KCNMA1: variants seen among roughly 807,000 people sequenced by gnomAD.
KCNMA1 encodes the protein Calcium-activated potassium channel subunit alpha-1.
KCNMA1 carries 29 observed loss-of-function variants against 140.0 expected under a neutral mutation model. The ratio of observed to expected loss-of-function variants is 0.21; its 90% CI spans 0.15 to 0.28. The LOEUF is 0.28. KCNMA1 is among the 10% of genes least tolerant of loss of function. The pLI, the probability that KCNMA1 is intolerant of heterozygous loss-of-function variation, is 1.00. For synonymous variants in KCNMA1, 612 were observed against 611.9 expected, an observed-to-expected ratio of 1.00 and a Z score of 0.00; for missense variants, 880 against 1,602.2, an observed-to-expected ratio of 0.55 and a Z score of 7.70.
downstream of KCNMA1, chr10:76,874,572 T>A (rs1229890243): frequency 6.6e-6 from 1 of 152,242 alleles, no homozygotes; most frequent in Non-Finnish European, 1.5e-5. Context: ...TTGTGCTTTT[T>A]CTCCTTTCAA....
chr10:77,441,013 C>T (rs550306366), intron 1 of KCNMA1, among the ~76,000 whole-genome samples: 19 of 151,642 alleles, frequency 1.3e-4, no homozygotes, highest in Admixed American at 6.6e-4. Context: ...TCAGTAGAGA[C>T]GGGGTTTCAC....
At chr10:77,297,258 T>C (rs190333053) in intron 2 of KCNMA1, among the ~76,000 whole-genome samples, 2 of 152,300 alleles carry the variant, frequency 1.3e-5, no homozygotes, top group Admixed American at 6.5e-5. Flanking sequence ...AGCCTCACCA[T>C]ACCCAACATT....
At chr10:77,507,207 G>A (rs1158849765) in intron 1 of KCNMA1, among the ~76,000 whole-genome samples, 1 of 152,150 alleles carries the variant, frequency 6.6e-6, no homozygotes. Context: ...ACAGCTCTAT[G>A]GAACACCATG....
chr10:77,146,400 G>T (rs1319734046), intron 5 of KCNMA1, among the ~76,000 whole-genome samples: 1 of 152,076 alleles, frequency 6.6e-6, no homozygotes, highest in Admixed American at 6.6e-5. Flanking sequence ...ATGACTGCAT[G>T]TAAAAAATAA....
At chr10:76,928,281 A>ATG (rs1564964525) in intron 23 of KCNMA1, among the ~76,000 whole-genome samples, 1 of 105,182 alleles carries the variant, frequency 9.5e-6, no homozygotes, top group East Asian at 2.0e-4. Flanking sequence ...ACACACGAAC[A>ATG]CGCGCGCGCA....
chr10:77,627,595 G>A (rs967120893), intron 1 of KCNMA1, among the ~76,000 whole-genome samples: 4 of 152,186 alleles, frequency 2.6e-5, no homozygotes, highest in African/African-American at 9.7e-5. Flanking sequence ...CACAAGTTAA[G>A]GTTAAGGTCA....
At chr10:77,261,473 G>A (rs1303650706) in intron 2 of KCNMA1, among the ~76,000 whole-genome samples, 1 of 152,078 alleles carries the variant, frequency 6.6e-6, no homozygotes, top group Non-Finnish European at 1.5e-5. Context: ...CCCAAACATC[G>A]CAGGAGTGTT....
chr10:76,969,276 G>GGGAAGAAGGGAAGGAA (rs61694255), intron 20 of KCNMA1, among the ~76,000 whole-genome samples: 7,092 of 58,620 alleles, frequency 0.12, 308 homozygotes, highest in Admixed American at 0.23. Flanking sequence ...GGGAGGGAGG[G>GGGAAGAAGGGAAGGAA]GGAAGAAGGG....
chr10:77,636,261 G>T, intron 1 of KCNMA1: 1 of 1,443,176 alleles, frequency 6.9e-7, no homozygotes, highest in Non-Finnish European at 9.1e-7. Flanking sequence ...CCCCACTCCA[G>T]CCAGTGGCTG....
chr10:77,417,209 C>A (rs1376577025), intron 1 of KCNMA1, among the ~76,000 whole-genome samples: 1 of 152,258 alleles, frequency 6.6e-6, no homozygotes, highest in African/African-American at 2.4e-5. Context: ...CCAGGGCCCA[C>A]ATCTGCTCCC....
intron 5 of KCNMA1, among the ~76,000 whole-genome samples, chr10:77,126,915 C>T (rs1263166339): frequency 1.3e-5 from 2 of 152,072 alleles, no homozygotes; most frequent in Non-Finnish European, 2.9e-5. Context: ...GATCTGCATA[C>T]CAGAAGACCG....
chr10:77,600,754 C>T (rs1279150145), intron 1 of KCNMA1, among the ~76,000 whole-genome samples: 1 of 151,654 alleles, frequency 6.6e-6, no homozygotes, highest in Non-Finnish European at 1.5e-5. Flanking sequence ...CTCAAACACA[C>T]ACACACACAC....
chr10:77,266,578 A>C (rs942630137), intron 2 of KCNMA1, among the ~76,000 whole-genome samples: 1 of 152,208 alleles, frequency 6.6e-6, no homozygotes, highest in Non-Finnish European at 1.5e-5. Context: ...GAATAGGTTT[A>C]AGTCTTGTTG....
intron 23 of KCNMA1, among the ~76,000 whole-genome samples, chr10:76,940,344 A>G (rs10762739): frequency 0.71 from 107,963 of 152,142 alleles, 38,866 homozygotes; most frequent in East Asian, 0.82. Flanking sequence ...GAAGAGAAAA[A>G]AGAGGCTTTG....
chr10:77,210,459 T>C (rs1341769032), intron 3 of KCNMA1, among the ~76,000 whole-genome samples: 1 of 152,082 alleles, frequency 6.6e-6, no homozygotes, highest in Non-Finnish European at 1.5e-5. Flanking sequence ...ACCAACATTA[T>C]ACTGAATGGG....
chr10:77,081,982 G>A (rs1274998887), intron 12 of KCNMA1, among the ~76,000 whole-genome samples: 4 of 113,874 alleles, frequency 3.5e-5, no homozygotes, highest in Non-Finnish European at 5.3e-5. Context: ...TACTACCTTT[G>A]ACCAGTAATT....
At chr10:77,285,893 GTACT>G (rs2070652638) in intron 2 of KCNMA1, among the ~76,000 whole-genome samples, 1 of 152,170 alleles carries the variant, frequency 6.6e-6, no homozygotes, top group Admixed American at 6.5e-5. Context: ...TGTGTGAAAA[GTACT>G]TACTTAGCAC....
intron 3 of KCNMA1, among the ~76,000 whole-genome samples, chr10:77,240,997 T>G (rs1390382683): frequency 6.6e-6 from 1 of 152,222 alleles, no homozygotes; most frequent in African/African-American, 2.4e-5. Flanking sequence ...TGTCTTAAAA[T>G]TTTTGTTGTA....
chr10:77,119,753 G>A (rs977615062), intron 6 of KCNMA1, among the ~76,000 whole-genome samples: 1 of 152,180 alleles, frequency 6.6e-6, no homozygotes, highest in African/African-American at 2.4e-5. Context: ...ATAATGAACA[G>A]TAAAAGGCAG....
Sources: gnomAD v4.1 joint callset for allele counts (sites outside exome capture counted in the v4.1 genomes callset) on GRCh38, gnomAD v4.1.1 for gene constraint, MANE v1.5 for transcripts, NCBI Gene and HGNC (gene_info 2026-07-23, HGNC 2026-07-21) for gene names.